Variants in MCM9 observed in about 807,000 individuals in gnomAD.
The protein encoded by MCM9 is minichromosome maintenance 9 homologous recombination repair factor, also known as DNA helicase MCM9.
MCM9 carries 55 observed loss-of-function variants against 72.8 expected under a neutral mutation model. The ratio of observed to expected loss-of-function variants is 0.76; its 90% CI spans 0.61 to 0.95. The LOEUF (loss-of-function observed/expected upper bound fraction) is 0.95. Among genes scored for constraint, MCM9 ranks in the 40% least tolerant of loss-of-function variants. MCM9 has a pLI of 0.00. For missense variants in MCM9, 1,279 were observed against 1,377.0 expected (o/e 0.93, Z 1.13); for synonymous variants, 480 against 503.4 (o/e 0.95, Z 0.62).
chr6:118,911,781 C>A lies in MCM9; in HGVS notation c.1031-12G>T. 1 of 1,598,164 alleles carries A rather than the reference C, an allele frequency of 6.3e-7. No homozygotes were observed. The highest frequency in any genetic ancestry group is 2.2e-5 in the East Asian group (1 of 44,750). ...AAGATGAGATTCTCCTAGGAAAAAG[C>A]AAATACATGAAGTTTTAAATTTCTA... On this transcript the variant is annotated splice_polypyrimidine_tract_variant and intron_variant, in intron 7 of 13. Transcript: ENST00000619706.
chr6:118,883,069 C>CAAAAAAAA (rs36162403), intron 8 of MCM9, among the ~76,000 whole-genome samples: 28 of 46,162 alleles, frequency 6.1e-4, no homozygotes, highest in African/African-American at 1.9e-3. Flanking sequence ...CTCAAAGATG[C>CAAAAAAAA]AAAAAAAAAA....
At chr6:118,905,894 AATTTC>A (rs1780147076) in intron 8 of MCM9, 12 of 1,205,790 alleles carry the variant, frequency 1.0e-5, no homozygotes, top group Non-Finnish European at 1.3e-5. Context: ...TTGCTATTGC[AATTTC>A]ATAGTATACT....
chr6:118,933,504 C>CAAA (rs201751510), intron 1 of MCM9, among the ~76,000 whole-genome samples: 1 of 130,922 alleles, frequency 7.6e-6, no homozygotes, highest in Non-Finnish European at 1.6e-5. Context: ...GACTCCGCCT[C>CAAA]AAAAAAAAAA....
At chr6:118,846,042 G>C (rs2114642589) in intron 9 of MCM9, among the ~76,000 whole-genome samples, 1 of 151,698 alleles carries the variant, frequency 6.6e-6, no homozygotes, top group East Asian at 1.9e-4. Flanking sequence ...TCAGAAATGA[G>C]TAATATACTA....
At chr6:118,933,074 C>A (rs749248789) in intron 1 of MCM9, among the ~76,000 whole-genome samples, 3 of 152,214 alleles carry the variant, frequency 2.0e-5, no homozygotes, top group African/African-American at 2.4e-5. Context: ...GCAAATAAAA[C>A]GAAACAGTGC....
chr6:118,889,603 G>C (rs1778816457), intron 8 of MCM9, among the ~76,000 whole-genome samples: 1 of 152,196 alleles, frequency 6.6e-6, no homozygotes, highest in Non-Finnish European at 1.5e-5. Flanking sequence ...TTGAGTTCAA[G>C]AGGAAACGAG....
chr6:118,889,954 G>T (rs958885653), intron 8 of MCM9, among the ~76,000 whole-genome samples: 18 of 152,184 alleles, frequency 1.2e-4, no homozygotes, highest in Admixed American at 1.0e-3. Context: ...AAGGGGAGAG[G>T]GTACGCTATG....
intron 8 of MCM9, among the ~76,000 whole-genome samples, chr6:118,866,409 A>C (rs1777220807): frequency 6.6e-6 from 1 of 152,220 alleles, no homozygotes; most frequent in African/African-American, 2.4e-5. Flanking sequence ...CCTGAGAGAA[A>C]ATTCAAAATA....
At chr6:118,890,777 T>G (rs918699985) in intron 8 of MCM9, among the ~76,000 whole-genome samples, 1 of 152,172 alleles carries the variant, frequency 6.6e-6, no homozygotes, top group African/African-American at 2.4e-5. Flanking sequence ...ACATCCTATT[T>G]CTAATAAATA....
At chr6:118,918,742 GAACT>G (rs1781171325) in intron 5 of MCM9, 1 of 152,166 alleles carries the variant, frequency 6.6e-6, no homozygotes, top group Non-Finnish European at 1.5e-5. Flanking sequence ...CACTGTCTCA[GAACT>G]AACAGGCAAT....
chr6:118,815,556 C>G lies in MCM9; in HGVS notation c.2700G>C (p.Ala900=). The G allele has an allele frequency of 5.2e-6, 8 of 1,550,106 alleles. No homozygotes were observed. Among genetic ancestry groups the G allele is most frequent in the Non-Finnish European group, 7.0e-6 (8 of 1,146,828 alleles). Residue 900 remains alanine, a synonymous_variant, in exon 14 of 14, where the codon GCG becomes GCC. Coordinates refer to ENST00000619706, the MANE Select transcript of MCM9 (RefSeq NM_017696.3). Reference sequence around the variant, plus strand: ...TTTCAATTGCAGGCTCTTCCACTTGCGCAAGGGATTTCGGTCTCTTTCTTT... The same window carrying G: ...TTTCAATTGCAGGCTCTTCCACTTGGGCAAGGGATTTCGGTCTCTTTCTTT... The part of the protein sequence containing the change: ...SPKRKRPKSL[A]QVEEPAIENV...
chr6:118,888,359 C>T (rs984622308), intron 8 of MCM9, among the ~76,000 whole-genome samples: 3 of 151,930 alleles, frequency 2.0e-5, no homozygotes, highest in African/African-American at 7.3e-5. Context: ...TGGTGGCGGG[C>T]GCCTGTAGTC....
chr6:118,923,029 CAAAAAAAAAAA>C (rs780562520), intron 4 of MCM9, among the ~76,000 whole-genome samples: 4 of 43,526 alleles, frequency 9.2e-5, no homozygotes, highest in Non-Finnish European at 2.1e-4. Context: ...AACTCCATCT[CAAAAAAAAAAA>C]AAAAAAAAAA....
At chr6:118,860,287 G>A (rs1776819941) in intron 8 of MCM9, among the ~76,000 whole-genome samples, 1 of 152,074 alleles carries the variant, frequency 6.6e-6, no homozygotes, top group Non-Finnish European at 1.5e-5. Context: ...TAGAAATTCT[G>A]AGATACAATA....
intron 4 of MCM9, among the ~76,000 whole-genome samples, chr6:118,923,004 C>G (rs2114370957): frequency 6.9e-6 from 1 of 144,664 alleles, no homozygotes; most frequent in South Asian, 2.2e-4. Flanking sequence ...TGCACTCCAG[C>G]CTGGGCAACA....
At chr6:118,885,882 C>T (rs1778566281) in intron 8 of MCM9, among the ~76,000 whole-genome samples, 1 of 152,034 alleles carries the variant, frequency 6.6e-6, no homozygotes, top group South Asian at 2.1e-4. Context: ...AGATCAATAT[C>T]ACTTACGAAT....
intron 13 of MCM9, among the ~76,000 whole-genome samples, chr6:118,825,786 A>AT (rs935710360): frequency 4.9e-4 from 74 of 152,294 alleles, no homozygotes; most frequent in African/African-American, 1.7e-3. Context: ...TTAATGAGTC[A>AT]TTAGAAAGGT....
At chr6:118,918,098 CCT>C (rs1163344504) in intron 5 of MCM9, 1 of 268,096 alleles carries the variant, frequency 3.7e-6, no homozygotes, top group East Asian at 8.7e-5. Flanking sequence ...AAATGTTCAT[CCT>C]CTGAGTCTCT....
intron 13 of MCM9, among the ~76,000 whole-genome samples, chr6:118,817,301 C>G (rs935276884): frequency 1.3e-5 from 2 of 151,912 alleles, no homozygotes; most frequent in Admixed American, 1.3e-4. Flanking sequence ...ACCCCACCCC[C>G]CAAAAGGCCC....
Sources: gnomAD v4.1 joint callset for allele counts (sites outside exome capture counted in the v4.1 genomes callset) on GRCh38, gnomAD v4.1.1 for gene constraint, MANE v1.5 for transcripts, NCBI Gene and HGNC (gene_info 2026-07-23, HGNC 2026-07-21) for gene names.